Variants in HPSE2 observed in about 807,000 individuals in gnomAD.
HPSE2 encodes the protein inactive heparanase-2.
Under a neutral mutation model 60.5 loss-of-function variants are expected in HPSE2, and 38 were observed. The observed-to-expected ratio is 0.63, with a 90% CI of 0.48 to 0.82. HPSE2 has a LOEUF of 0.82. Ranked by LOEUF, HPSE2 falls within the 40% of genes least tolerant of loss-of-function variation. The pLI is 0.00. For missense variants in HPSE2, 713 were observed against 740.4 expected (o/e 0.96, Z 0.43); for synonymous variants, 295 against 293.2 (o/e 1.01, Z -0.06).
chr10:99,196,234 G>A (rs1848392689), intron 2 of HPSE2, among the ~76,000 whole-genome samples: 1 of 152,040 alleles, frequency 6.6e-6, no homozygotes, highest in South Asian at 2.1e-4. Context: ...TTAAATCTAA[G>A]ACTTCAAACT....
At chr10:98,486,791 G>C (rs1049044750) in intron 10 of HPSE2, among the ~76,000 whole-genome samples, 2 of 152,074 alleles carry the variant, frequency 1.3e-5, no homozygotes, top group Admixed American at 1.3e-4. Flanking sequence ...AAAGGTTTTG[G>C]GTTCGGTAAA....
At chr10:99,285,409 A>G in the HPSE2 span, among the ~76,000 whole-genome samples, 1 of 149,132 alleles carries the variant, frequency 6.7e-6, no homozygotes, top group African/African-American at 2.5e-5. Context: ...CAGCCTGGGT[A>G]ACACAGTGAG....
At chr10:99,134,797 A>G (rs12778581) in intron 3 of HPSE2, among the ~76,000 whole-genome samples, 15,089 of 152,254 alleles carry the variant, frequency 0.099, 779 homozygotes, top group South Asian at 0.19. Context: ...AACACTATGA[A>G]GAAACTGCAT....
Position 98,479,546 on chromosome 10 carries a change from G to A in HPSE2, c.1613+3090C>T, listed in dbSNP as rs148499078. 5.0e-3 allele frequency among the ~76,000 whole-genome samples: 766 copies of A among 152,314 alleles called. 12 individuals are homozygous for A. Among genetic ancestry groups the A allele is most frequent in the African/African-American group, 0.018 (733 of 41,572 alleles). ...AGTTGCTGAGCAGAGCACTAGATGT[G>A]GTCTTGAACATGTACATGACAGTTC... is the stretch of plus-strand genomic sequence containing the variant. On this transcript the variant is annotated intron_variant, in intron 11 of 11. Transcript: ENST00000370552.
intron 3 of HPSE2, among the ~76,000 whole-genome samples, chr10:99,138,411 A>G (rs972433435): frequency 6.6e-6 from 1 of 152,226 alleles, no homozygotes; most frequent in Admixed American, 6.5e-5. Flanking sequence ...AAAGGATTAT[A>G]AATCATTCTA....
At chr10:98,820,559 A>C (rs1443984450) in intron 3 of HPSE2, among the ~76,000 whole-genome samples, 1 of 152,200 alleles carries the variant, frequency 6.6e-6, no homozygotes, top group African/African-American at 2.4e-5. Flanking sequence ...CTGGGCTAAA[A>C]AGAGAATGCC....
At chr10:98,901,450 C>T (rs1462870259) in intron 3 of HPSE2, among the ~76,000 whole-genome samples, 60 of 152,170 alleles carry the variant, frequency 3.9e-4, no homozygotes, top group Non-Finnish European at 1.0e-4. Flanking sequence ...AATGCAAATA[C>T]ATTTTCTACA....
intron 9 of HPSE2, among the ~76,000 whole-genome samples, chr10:98,528,484 G>C (rs1943036617): frequency 6.6e-6 from 1 of 152,166 alleles, no homozygotes; most frequent in African/African-American, 2.4e-5. Flanking sequence ...AGAGCAAAGA[G>C]GATGGATGAT....
intron 3 of HPSE2, among the ~76,000 whole-genome samples, chr10:98,965,798 T>A (rs1182517758): frequency 1.3e-5 from 2 of 152,224 alleles, no homozygotes; most frequent in African/African-American, 4.8e-5. Flanking sequence ...TATATCATTC[T>A]AGTAACATTA....
chr10:99,104,686 A>G (rs1338168963), intron 3 of HPSE2, among the ~76,000 whole-genome samples: 1 of 152,154 alleles, frequency 6.6e-6, no homozygotes, highest in East Asian at 1.9e-4. Flanking sequence ...TGATAGACTG[A>G]ATTAAGAAAA....
At chr10:99,101,531 A>G (rs1411135712) in intron 3 of HPSE2, among the ~76,000 whole-genome samples, 1 of 152,214 alleles carries the variant, frequency 6.6e-6, no homozygotes, top group East Asian at 1.9e-4. Context: ...CTCCCACACA[A>G]TAATAATGGG....
intron 5 of HPSE2, among the ~76,000 whole-genome samples, chr10:98,696,680 T>A (rs1948229322): frequency 6.6e-6 from 1 of 151,870 alleles, no homozygotes; most frequent in Admixed American, 6.6e-5. Flanking sequence ...GGAGGAGGGG[T>A]GACCAGCACC....
intron 9 of HPSE2, among the ~76,000 whole-genome samples, chr10:98,532,478 A>T (rs891747228): frequency 6.6e-6 from 1 of 152,178 alleles, no homozygotes; most frequent in African/African-American, 2.4e-5. Flanking sequence ...GATGATAAAG[A>T]TGCCTACCTC....
chr10:98,623,652 T>C (rs1019866182), intron 7 of HPSE2, among the ~76,000 whole-genome samples: 3 of 152,196 alleles, frequency 2.0e-5, no homozygotes, highest in Non-Finnish European at 4.4e-5. Flanking sequence ...TAGCAGTTAT[T>C]ATCTTGGACT....
chr10:99,025,470 T>C (rs1193615110), intron 3 of HPSE2, among the ~76,000 whole-genome samples: 4 of 151,980 alleles, frequency 2.6e-5, no homozygotes, highest in South Asian at 2.1e-4. Flanking sequence ...CAATGACAGA[T>C]TGAATAAAGA....
At chr10:99,068,128 C>A (rs542693825) in intron 3 of HPSE2, among the ~76,000 whole-genome samples, 2 of 152,254 alleles carry the variant, frequency 1.3e-5, no homozygotes, top group South Asian at 4.1e-4. Flanking sequence ...CAGCATTTTG[C>A]TCAAAGCCAT....
At chr10:99,083,155 A>G (rs1424957559) in intron 3 of HPSE2, among the ~76,000 whole-genome samples, 1 of 152,230 alleles carries the variant, frequency 6.6e-6, no homozygotes, top group Non-Finnish European at 1.5e-5. Context: ...AAGCATGTAA[A>G]GGGATATTAC....
intron 3 of HPSE2, among the ~76,000 whole-genome samples, chr10:98,745,063 G>A (rs936365717): frequency 4.6e-5 from 7 of 152,216 alleles, no homozygotes; most frequent in South Asian, 2.1e-4. Context: ...TTAGCCAGGC[G>A]CGGTGGCGGC....
chr10:98,550,532 G>A lies in HPSE2; in HGVS notation c.1321-60336C>T, dbSNP rs187714920. Among the ~76,000 whole-genome samples, 14 of 151,072 alleles carry A rather than the reference G, an allele frequency of 9.3e-5. No individual in the cohort carries two copies. In the East Asian group the frequency reaches 2.5e-3, roughly 28 times the overall value. The stretch of plus-strand genomic sequence containing the variant: ...TGCCCAGGCTGGAGTGCAGTGGCAC[G>A]ATCTCAGCTCACTGCAAGCTCCACC... On this transcript the variant is annotated intron_variant, in intron 9 of 11. Coordinates refer to ENST00000370552, the MANE Select transcript of HPSE2 (RefSeq NM_021828.5).
Sources: allele counts gnomAD v4.1 joint callset (sites outside exome capture counted in the v4.1 genomes callset), GRCh38; gene constraint gnomAD v4.1.1; transcripts MANE v1.5; gene names NCBI Gene and HGNC (gene_info 2026-07-23, HGNC 2026-07-21).